The following CPB1 variants were observed in gnomAD, a reference collection of about 807,000 sequenced individuals.
CPB1 encodes the protein carboxypeptidase B1.
CPB1 carries 53 observed loss-of-function variants against 51.4 expected under a neutral mutation model. The ratio of observed to expected loss-of-function variants is 1.03; its 90% CI spans 0.83 to 1.30. The LOEUF (loss-of-function observed/expected upper bound fraction) is 1.30. Among genes scored for constraint, CPB1 ranks in the 50% most tolerant of loss-of-function variants. CPB1 has a pLI of 0.00. For missense variants in CPB1, 494 were observed against 516.2 expected, an observed-to-expected ratio of 0.96 and a Z score of 0.42; for synonymous variants, 189 against 186.9, an observed-to-expected ratio of 1.01 and a Z score of -0.09.
chr3:148,858,802 G>A (rs1004015991), intron 10 of CPB1, among the ~76,000 whole-genome samples: 20 of 152,014 alleles, frequency 1.3e-4, no homozygotes, highest in Non-Finnish European at 1.5e-4. Flanking sequence ...CAATTTCTAC[G>A]TATATCTTCC....
Position 148,859,792 on chromosome 3 carries a change from T to C in CPB1, c.1067-23T>C, listed in dbSNP as rs773127459. 13 of 1,559,680 alleles carry C rather than the reference T, an allele frequency of 8.3e-6. No homozygotes were observed. In the Admixed American group the frequency reaches 1.7e-4, roughly 20 times the overall value. ...TCCTTCCTAGATTTAAAGTTTTTTT[T>C]CACTGCTGTTTGCACATTTCAGATC... On this transcript the variant is annotated intron_variant, in intron 10 of 10. Coordinates refer to ENST00000282957, the MANE Select transcript of CPB1 (RefSeq NM_001871.3).
intron 2 of CPB1, among the ~76,000 whole-genome samples, chr3:148,832,303 A>T (rs1712765313): frequency 6.6e-6 from 1 of 152,130 alleles, no homozygotes; most frequent in Non-Finnish European, 1.5e-5. Flanking sequence ...TATTAGAAAG[A>T]AAACCATTTA....
At chr3:148,848,416 A>T (rs1713318222) in intron 9 of CPB1, among the ~76,000 whole-genome samples, 1 of 152,178 alleles carries the variant, frequency 6.6e-6, no homozygotes, top group African/African-American at 2.4e-5. Context: ...GCATCATACC[A>T]CATTAAAATT....
chr3:148,829,067 C>G (rs1013773798), intron 2 of CPB1, among the ~76,000 whole-genome samples: 3 of 152,198 alleles, frequency 2.0e-5, no homozygotes, highest in Non-Finnish European at 4.4e-5. Context: ...CCTTACAAAT[C>G]ATTCCAACTG....
chr3:148,855,979 A>G (rs1290170476), intron 9 of CPB1: 3 of 152,238 alleles, frequency 2.0e-5, no homozygotes, highest in Non-Finnish European at 4.4e-5. Flanking sequence ...TGTAATGTTT[A>G]ACTGGTTCTG....
chr3:148,842,394 A>G (rs772739935), intron 6 of CPB1, among the ~76,000 whole-genome samples: 4 of 152,160 alleles, frequency 2.6e-5, no homozygotes, highest in Non-Finnish European at 4.4e-5. Context: ...TTCAGATTAA[A>G]AGAAAAGAGT....
intron 3 of CPB1, among the ~76,000 whole-genome samples, chr3:148,837,015 A>C (rs1405039257): frequency 6.6e-6 from 1 of 152,216 alleles, no homozygotes; most frequent in Admixed American, 6.5e-5. Context: ...ATAGGAAAAA[A>C]ATCAAAATGT....
chr3:148,836,973 A>G (rs1712924178), intron 3 of CPB1, among the ~76,000 whole-genome samples: 1 of 152,216 alleles, frequency 6.6e-6, no homozygotes, highest in African/African-American at 2.4e-5. Flanking sequence ...GACCTGTATT[A>G]TTTGGCAGCT....
chr3:148,827,987 T>C lies in CPB1; in HGVS notation c.72-15T>C. On this transcript the variant is annotated splice_polypyrimidine_tract_variant and intron_variant, in intron 1 of 10. Transcript: ENST00000282957. ...CATTTCCAATTCTCTGTGCTTCTAT[T>C]ATCTCATTATTCAGCGAGAAGGTGT... 3.1e-6 allele frequency: 5 copies of C among 1,613,434 alleles called. No homozygotes were observed. Among genetic ancestry groups the C allele is most frequent in the Non-Finnish European group, 3.4e-6 (4 of 1,179,440 alleles).
intron 9 of CPB1, among the ~76,000 whole-genome samples, chr3:148,846,545 G>A (rs1713244644): frequency 6.6e-6 from 1 of 151,086 alleles, no homozygotes; most frequent in African/African-American, 2.4e-5. Context: ...GAAAATTGTT[G>A]TTTTATACTT....
At chr3:148,848,221 ATAACAG>A (rs1415417544) in intron 9 of CPB1, among the ~76,000 whole-genome samples, 1 of 152,198 alleles carries the variant, frequency 6.6e-6, no homozygotes, top group Non-Finnish European at 1.5e-5. Flanking sequence ...TCTCTCAAAA[ATAACAG>A]TATTAACAGT....
At chr3:148,829,724 G>T (rs886574197) in intron 2 of CPB1, among the ~76,000 whole-genome samples, 3 of 152,118 alleles carry the variant, frequency 2.0e-5, no homozygotes, top group African/African-American at 7.2e-5. Flanking sequence ...ACTGATAAAA[G>T]AAAACATTAA....
At chr3:148,859,231 T>C (rs574948478) in intron 10 of CPB1, among the ~76,000 whole-genome samples, 83 of 152,308 alleles carry the variant, frequency 5.4e-4, no homozygotes, top group African/African-American at 1.8e-3. Context: ...CAATTGTTGA[T>C]TGAAAAAACA....
chr3:148,846,042 T>C (rs1343183511), intron 9 of CPB1, among the ~76,000 whole-genome samples: 1 of 152,196 alleles, frequency 6.6e-6, no homozygotes, highest in Non-Finnish European at 1.5e-5. Context: ...ACAGCAGATG[T>C]CATTAGGAAT....
Position 148,857,548 on chromosome 3 carries a change from C to A in CPB1, c.1066+7C>A. The A allele has an allele frequency of 6.2e-7, 1 of 1,609,994 alleles. No homozygotes were observed. Among genetic ancestry groups the A allele is most frequent in the African/African-American group, 1.3e-5 (1 of 74,950 alleles). ...CCGGGAGCTACAACAATCTGTGAGT[C>A]TTGGCTTCAGAACTGTGCAAAGAAC... On this transcript the variant is annotated splice_region_variant and intron_variant, in intron 10 of 10. Coordinates refer to ENST00000282957, the MANE Select transcript of CPB1 (RefSeq NM_001871.3).
rs370907426 is a variant in CPB1 at position 148,844,681 on chromosome 3, G to A, written c.692G>A (p.Arg231Gln). Residue 231 changes from arginine (R) to glutamine (Q), a missense_variant, in exon 8 of 11, where the codon CGA becomes CAA. Transcript: ENST00000282957. ...AACTATGTAGTCCACTTTCAGAGCC[G>A]ATTTTGGAGAAAGACTCGCTCCACC... is the stretch of plus-strand genomic sequence containing the variant. ...DGYIYTWTKS[R>Q]FWRKTRSTHT... 19 of 1,613,726 alleles carry A rather than the reference G, an allele frequency of 1.2e-5. No individual in the cohort carries two copies. Among genetic ancestry groups the A allele is most frequent in the Admixed American group, 6.7e-5 (4 of 59,962 alleles).
intron 10 of CPB1, 63 bp downstream of exon 10, chr3:148,857,604 T>A: frequency 1.6e-6 from 2 of 1,261,962 alleles, no homozygotes; most frequent in Non-Finnish European, 2.3e-6. Context: ...GAAAGGTTCC[T>A]GGGGCCTTTC....
intron 9 of CPB1, chr3:148,850,898 T>C (rs1713407608): frequency 6.6e-6 from 1 of 152,158 alleles, no homozygotes; most frequent in Admixed American, 6.5e-5. Flanking sequence ...ATACTCTCAT[T>C]TAAAAGACAA....
chr3:148,831,122 T>A (rs1712721808), intron 2 of CPB1, among the ~76,000 whole-genome samples: 1 of 152,250 alleles, frequency 6.6e-6, no homozygotes, highest in Non-Finnish European at 1.5e-5. Context: ...CATCTATAAT[T>A]GAATATTAAG....
Sources: gnomAD v4.1 joint callset for allele counts (sites outside exome capture counted in the v4.1 genomes callset) on GRCh38, gnomAD v4.1.1 for gene constraint, MANE v1.5 for transcripts, NCBI Gene and HGNC (gene_info 2026-07-23, HGNC 2026-07-21) for gene names.